Variants in OSBP observed in about 807,000 individuals in gnomAD.
OSBP encodes the protein oxysterol binding protein, also known as oxysterol-binding protein 1.
Under a neutral mutation model 96.6 loss-of-function variants are expected in OSBP, and 32 were observed. The observed-to-expected ratio is 0.33, with a 90% CI of 0.25 to 0.45. The LOEUF (loss-of-function observed/expected upper bound fraction) is 0.45. OSBP is among the 20% of genes least tolerant of loss of function. The pLI is 1.00. For missense variants in OSBP, 653 were observed against 1,029.7 expected (o/e 0.63, Z 5.01); for synonymous variants, 369 against 389.6 (o/e 0.95, Z 0.62).
chr11:59,606,813 T>C (rs1262808437), intron 3 of OSBP, among the ~76,000 whole-genome samples: 1 of 152,186 alleles, frequency 6.6e-6, no homozygotes, highest in African/African-American at 2.4e-5. Flanking sequence ...CTTGCTAGTA[T>C]CATACTAAAA....
intron 3 of OSBP, among the ~76,000 whole-genome samples, chr11:59,604,167 T>A (rs543581044): frequency 6.6e-6 from 1 of 152,136 alleles, no homozygotes; most frequent in East Asian, 1.9e-4. Flanking sequence ...ATAGTAACAA[T>A]AGAGTAACTA....
intron 3 of OSBP, among the ~76,000 whole-genome samples, chr11:59,604,725 T>TC (rs1860759308): frequency 6.6e-6 from 1 of 150,744 alleles, no homozygotes; most frequent in Admixed American, 6.6e-5. Context: ...GTGTAGCAGC[T>TC]CTGCCTGTAG....
rs1392281049 is a variant in OSBP at position 59,574,890 on chromosome 11, C to T, written c.*1687G>A. The T allele has an allele frequency of 6.6e-6, 1 of 152,556 alleles. No homozygotes were observed. Among genetic ancestry groups the T allele is most frequent in the Non-Finnish European group, 1.5e-5 (1 of 68,024 alleles). 9.5% of individuals were successfully genotyped at this position (152,556 alleles called of 1,614,324 possible). ...CTTTGGAATGGTATTTCCCCCAGGA[C>T]CCACGCTGGCTGAGGCTCAGCAGTT... On this transcript the variant is annotated 3_prime_UTR_variant, in exon 14 of 14. Transcript: ENST00000263847.
At chr11:59,577,688 G>A (rs146086955) in intron 12 of OSBP, among the ~76,000 whole-genome samples, 1,552 of 152,060 alleles carry the variant, frequency 0.01, 11 homozygotes, top group Admixed American at 0.016. Flanking sequence ...AGACGGTTTC[G>A]CCATGTTGGC....
chr11:59,593,416 A>G (rs1404245421), intron 9 of OSBP, 188 bp downstream of exon 9: 12 of 598,088 alleles, frequency 2.0e-5, no homozygotes, highest in Non-Finnish European at 3.5e-5. Context: ...ATGGGTCCTT[A>G]AAGAGTTTCT....
At chr11:59,596,202 G>C (rs73486903) in intron 7 of OSBP, among the ~76,000 whole-genome samples, 1,883 of 151,858 alleles carry the variant, frequency 0.012, 43 homozygotes, top group African/African-American at 0.042. Flanking sequence ...CACACTGAGG[G>C]GTGGCGCGCT....
At chr11:59,581,855 T>A (rs1311089063) in intron 9 of OSBP, among the ~76,000 whole-genome samples, 1 of 152,212 alleles carries the variant, frequency 6.6e-6, no homozygotes, top group African/African-American at 2.4e-5. Context: ...CAGAAACAAG[T>A]CAAATGCACC....
chr11:59,608,712 A>G lies in OSBP; in HGVS notation c.594T>C (p.Ser198=). ...AESDESGDEE[S]VSQTDKTELQ... ...GCTCAGTCTTGTCAGTTTGTGAGACAGACTCTTCATCTCCTGATTCATCTG... is the reference window on the plus strand; with the variant it reads ...GCTCAGTCTTGTCAGTTTGTGAGACGGACTCTTCATCTCCTGATTCATCTG... Residue 198 remains serine (S), a synonymous_variant, in exon 3 of 14, where the codon TCT becomes TCC. Transcript: ENST00000263847. 6.2e-7 allele frequency: 1 copy of G among 1,614,140 alleles called. No homozygotes were observed. Among genetic ancestry groups the G allele is most frequent in the Non-Finnish European group, 8.5e-7 (1 of 1,179,954 alleles).
chr11:59,613,254 G>A (rs374296767), intron 1 of OSBP, among the ~76,000 whole-genome samples: 83 of 152,264 alleles, frequency 5.5e-4, no homozygotes, highest in African/African-American at 1.9e-3. Context: ...GCAGGCCTAT[G>A]GCATATTTCC....
intron 9 of OSBP, among the ~76,000 whole-genome samples, chr11:59,585,154 C>T (rs993399005): frequency 2.1e-4 from 31 of 150,336 alleles, no homozygotes; most frequent in African/African-American, 6.1e-4. Context: ...AAGTGAGGAG[C>T]GTCTCTGCCC....
At chr11:59,601,115 C>CAAA (rs11405726) in intron 5 of OSBP, among the ~76,000 whole-genome samples, 168 bp downstream of exon 5, 21 of 113,764 alleles carry the variant, frequency 1.8e-4, no homozygotes, top group South Asian at 6.4e-4. Context: ...GATCTTGAGA[C>CAAA]AAAAAAAAAA....
chr11:59,575,023 A>G lies in OSBP; in HGVS notation c.*1554T>C, dbSNP rs1280603470. 1 of 152,288 alleles carries G rather than the reference A, an allele frequency of 6.6e-6. No homozygotes were observed. The highest frequency in any genetic ancestry group is 1.5e-5 in the Non-Finnish European group (1 of 68,082). The allele number at this position is 152,288 out of a possible 1,614,324, so 9.4% of individuals were successfully genotyped here. On this transcript the variant is annotated 3_prime_UTR_variant, in exon 14 of 14. Coordinates refer to ENST00000263847, the MANE Select transcript of OSBP (RefSeq NM_002556.3). Reference sequence around the variant, plus strand: ...ACAGGGGATATTTCTCAACAAGACAACAAAAACAAATACTGCACAAACAGA... The same window carrying G: ...ACAGGGGATATTTCTCAACAAGACAGCAAAAACAAATACTGCACAAACAGA...
intron 7 of OSBP, 140 bp from the exon 8 acceptor site, chr11:59,594,395 A>T: frequency 1.4e-6 from 1 of 725,260 alleles, no homozygotes; most frequent in Non-Finnish European, 2.2e-6. Flanking sequence ...TAACCCGCAA[A>T]CAACCCATTC....
At chr11:59,592,999 T>C (rs1860604993) in intron 9 of OSBP, among the ~76,000 whole-genome samples, 1 of 152,150 alleles carries the variant, frequency 6.6e-6, no homozygotes, top group Non-Finnish European at 1.5e-5. Flanking sequence ...GGTTTCACCA[T>C]GTTGCCCAGG....
intron 1 of OSBP, among the ~76,000 whole-genome samples, chr11:59,612,385 T>C (rs1463144523): frequency 6.6e-6 from 1 of 152,154 alleles, no homozygotes; most frequent in East Asian, 1.9e-4. Context: ...GCCAGCTCGC[T>C]CATGTTTTCT....
Position 59,576,378 on chromosome 11 carries a change from T to A in OSBP, c.*199A>T. ...ACAGACATAGTATCTCCTATGTCGA[T>A]TTCAGTTTCAATCAGCTAAGGCAAC... On this transcript the variant is annotated 3_prime_UTR_variant, in exon 14 of 14. Coordinates refer to ENST00000263847, the MANE Select transcript of OSBP (RefSeq NM_002556.3). The A allele has an allele frequency of 1.7e-6, 1 of 598,044 alleles. No individual in the cohort carries two copies. The highest frequency in any genetic ancestry group is 2.9e-6 in the Non-Finnish European group (1 of 341,822). 37.0% of individuals were successfully genotyped at this position (598,044 alleles called of 1,614,324 possible).
At chr11:59,606,093 C>T (rs1860776742) in intron 3 of OSBP, among the ~76,000 whole-genome samples, 1 of 152,156 alleles carries the variant, frequency 6.6e-6, no homozygotes, top group East Asian at 1.9e-4. Context: ...GCAGCCTGTG[C>T]TCATTTCTAT....
chr11:59,615,452 G>C lies in OSBP; in HGVS notation c.213C>G (p.Ala71=). The change falls in exon 1 of 14, where the codon GCC becomes GCG. Residue 71 remains alanine (A), a synonymous_variant. Coordinates refer to ENST00000263847, the MANE Select transcript of OSBP (RefSeq NM_002556.3). ...CCGAGCCCCCAGTCGGCGGCGCAGG[G>C]GCCGGGCCAGCCGCCGCCACTCCCC... ...GAGGVAAAGP[A]PAPPTGGSGG... 7.2e-7 allele frequency: 1 copy of C among 1,379,462 alleles called. No individual in the cohort carries two copies. The highest frequency in any genetic ancestry group is 9.5e-7 in the Non-Finnish European group (1 of 1,055,526). The allele number at this position is 1,379,462 out of a possible 1,614,324, so 85.5% of individuals were successfully genotyped here.
At chr11:59,579,742 C>T (rs187694295) in intron 11 of OSBP, among the ~76,000 whole-genome samples, 14 of 148,998 alleles carry the variant, frequency 9.4e-5, no homozygotes, top group African/African-American at 2.5e-4. Context: ...TTTTTTGAGA[C>T]GGAGTCTCGC....
Sources: allele counts gnomAD v4.1 joint callset (sites outside exome capture counted in the v4.1 genomes callset), GRCh38; gene constraint gnomAD v4.1.1; transcripts MANE v1.5; gene names NCBI Gene and HGNC (gene_info 2026-07-23, HGNC 2026-07-21).